KLHL25: variants seen among roughly 807,000 people sequenced by gnomAD.
KLHL25 encodes the protein kelch like family member 25.
Under a neutral mutation model 30.0 loss-of-function variants are expected in KLHL25, and 41 were observed. The ratio of observed to expected loss-of-function variants is 1.37; its 90% CI spans 1.07 to 1.78. The LOEUF is 1.78. Among genes scored for constraint, KLHL25 ranks in the 40% most tolerant of loss-of-function variants. KLHL25 has a pLI of 0.00. For synonymous variants in KLHL25, 399 were observed against 355.3 expected (o/e 1.12, Z -1.38); for missense variants, 971 against 824.5 (o/e 1.18, Z -2.18).
rs1017045513 is a variant in KLHL25 at position 85,789,993 on chromosome 15, T to C, written c.-11+4773A>G. On this transcript the variant is annotated intron_variant, in intron 1 of 2. Transcript: ENST00000337975. This position sits in a 1 kb window ranked among gnomAD's most constrained non-coding sequence, Gnocchi z 4.1. Reference sequence around the variant, plus strand: ...CTTGCCTACGTCACCCCTCTCACTCTACAGGTGAAAAAACTAGATCCCAGA... The same window carrying C: ...CTTGCCTACGTCACCCCTCTCACTCCACAGGTGAAAAAACTAGATCCCAGA... Among the ~76,000 whole-genome samples the C allele has an allele frequency of 4.6e-5, 7 of 152,308 alleles. No homozygotes were observed. Among genetic ancestry groups the C allele is most frequent in the African/African-American group, 1.7e-4 (7 of 41,570 alleles).
intron 1 of KLHL25, among the ~76,000 whole-genome samples, chr15:85,788,053 T>G (rs1370949548): frequency 2.8e-5 from 1 of 36,188 alleles, no homozygotes; most frequent in Non-Finnish European, 5.4e-5. Flanking sequence ...GGAAACTAGA[T>G]CTCAAAAAAA....
intron 2 of KLHL25, among the ~76,000 whole-genome samples, chr15:85,765,065 GGGGCAGCCTCTGGTCT>G (rs2089610696): frequency 6.6e-6 from 1 of 152,150 alleles, no homozygotes; most frequent in South Asian, 2.1e-4. Context: ...GGGTAGGCAG[GGGGCAGCCTCTGGTCT>G]GGAGGCTCAG....
At chr15:85,765,144 G>T (rs909410047) in intron 2 of KLHL25, among the ~76,000 whole-genome samples, 7 of 152,156 alleles carry the variant, frequency 4.6e-5, no homozygotes, top group Admixed American at 3.3e-4. Flanking sequence ...CCCTCACACT[G>T]CCCAGCCCGG....
rs117168068 is a variant in KLHL25 at position 85,760,624 on chromosome 15, G to C, written c.*412C>G. Reference sequence around the variant, plus strand: ...CCAGCAGGGCAGGCCAGGAGGGAAAGGATGTGTGGCAGTGCCGCAGCCCCA... The same window carrying C: ...CCAGCAGGGCAGGCCAGGAGGGAAACGATGTGTGGCAGTGCCGCAGCCCCA... On this transcript the variant is annotated 3_prime_UTR_variant, in exon 3 of 3. Transcript: ENST00000337975. 0.028 allele frequency: 4,204 copies of C among 152,490 alleles called. 79 individuals carry two copies. Among genetic ancestry groups the C allele is most frequent in the Non-Finnish European group, 0.044 (3,004 of 68,140 alleles). 9.4% of individuals were successfully genotyped at this position (152,490 alleles called of 1,614,324 possible).
Position 85,768,409 on chromosome 15 carries a change from A to AG in KLHL25, c.1401dup (p.Ser468LeufsTer33), listed in dbSNP as rs1483803721. Reference sequence around the variant, plus strand: ...GCCTTGATCGTCCACCTGTTCTCCGAGGGGTCATAGCACTGGACCTTGGAC... The same window carrying AG: ...GCCTTGATCGTCCACCTGTTCTCCGAGGGGGTCATAGCACTGGACCTTGGAC... On this transcript the variant is annotated frameshift_variant, in exon 2 of 3. Coordinates refer to ENST00000337975, the MANE Select transcript of KLHL25 (RefSeq NM_022480.4). LOFTEE classifies it high-confidence loss of function. 1.2e-6 allele frequency: 2 copies of AG among 1,613,140 alleles called. No homozygotes were observed. Among genetic ancestry groups the AG allele is most frequent in the African/African-American group, 2.7e-5 (2 of 74,774 alleles).
chr15:85,792,080 T>C (rs1021561117), intron 1 of KLHL25, among the ~76,000 whole-genome samples: 1 of 152,212 alleles, frequency 6.6e-6, no homozygotes, highest in African/African-American at 2.4e-5. Context: ...GTGTCAGCTT[T>C]TGACAGCTTT....
intron 1 of KLHL25, among the ~76,000 whole-genome samples, chr15:85,777,600 G>A (rs764024864): frequency 6.6e-6 from 1 of 152,200 alleles, no homozygotes; most frequent in Non-Finnish European, 1.5e-5. Context: ...ACACTTGAAG[G>A]GCAGCCACTT....
chr15:85,785,967 C>CG (rs199754258), intron 1 of KLHL25, among the ~76,000 whole-genome samples: 13 of 141,616 alleles, frequency 9.2e-5, no homozygotes, highest in Non-Finnish European at 1.1e-4. Context: ...CCGACCCACC[C>CG]CCCCGCCCCA....
At chr15:85,777,406 C>A (rs938849650) in intron 1 of KLHL25, among the ~76,000 whole-genome samples, 2 of 152,216 alleles carry the variant, frequency 1.3e-5, no homozygotes, top group Admixed American at 6.5e-5. Flanking sequence ...CACCCAGACA[C>A]AGACACAGTG....
chr15:85,783,805 T>C lies in KLHL25; in HGVS notation c.-11+10961A>G, dbSNP rs186101397. 1.2e-3 allele frequency among the ~76,000 whole-genome samples: 187 copies of C among 152,280 alleles called. 1 individual carries two copies. The highest frequency in any genetic ancestry group is 2.1e-3 in the Non-Finnish European group (144 of 68,012). ...ACAAAGCGAATTGCAGATACCGACC[T>C]TGGGCAGCCTACCAGGAAGGTTAGA... On this transcript the variant is annotated intron_variant, in intron 1 of 2. Coordinates refer to ENST00000337975, the MANE Select transcript of KLHL25 (RefSeq NM_022480.4).
chr15:85,785,069 G>A lies in KLHL25; in HGVS notation c.-11+9697C>T, dbSNP rs1346970744. Among the ~76,000 whole-genome samples, 5 of 151,770 alleles carry A rather than the reference G, an allele frequency of 3.3e-5. No individual in the cohort carries two copies. The East Asian group carries it at 9.7e-4, about 29-fold the overall frequency. The stretch of plus-strand genomic sequence containing the variant: ...ATTCCTGGACATGTGATGCTAGAGA[G>A]CAGAGACTGATGTATTTCTTTTTTC... On this transcript the variant is annotated intron_variant, in intron 1 of 2. Coordinates refer to ENST00000337975, the MANE Select transcript of KLHL25 (RefSeq NM_022480.4).
chr15:85,778,002 C>T (rs558272014), intron 1 of KLHL25, among the ~76,000 whole-genome samples: 171 of 152,340 alleles, frequency 1.1e-3, no homozygotes, highest in African/African-American at 3.3e-3. Flanking sequence ...TTAATCAGGA[C>T]GGATGAGGTT....
intron 1 of KLHL25, among the ~76,000 whole-genome samples, chr15:85,787,101 A>C (rs113962703): frequency 0.11 from 13,843 of 131,246 alleles, 774 homozygotes; most frequent in African/African-American, 0.12. Flanking sequence ...ATGAGATTCC[A>C]CCCGCCCCCC....
intron 1 of KLHL25, among the ~76,000 whole-genome samples, chr15:85,780,200 G>A (rs1263005638): frequency 6.6e-6 from 1 of 152,210 alleles, no homozygotes; most frequent in Non-Finnish European, 1.5e-5. Flanking sequence ...AAGCCCAGCT[G>A]CTGCACCAGA....
intron 1 of KLHL25, among the ~76,000 whole-genome samples, chr15:85,783,395 T>C (rs2089757976): frequency 6.6e-6 from 1 of 151,612 alleles, no homozygotes; most frequent in Non-Finnish European, 1.5e-5. Flanking sequence ...TGCCCAGCCA[T>C]ATTTAAACAT....
intron 1 of KLHL25, among the ~76,000 whole-genome samples, chr15:85,773,532 G>A (rs1248586169): frequency 6.6e-6 from 1 of 152,200 alleles, no homozygotes; most frequent in Non-Finnish European, 1.5e-5. Flanking sequence ...TCCCGGGGTG[G>A]GCACTGGGCC....
intron 1 of KLHL25, among the ~76,000 whole-genome samples, chr15:85,781,006 GCA>G (rs973754014): frequency 5.9e-5 from 9 of 152,078 alleles, no homozygotes; most frequent in Non-Finnish European, 1.0e-4. Flanking sequence ...CTGGGTACAC[GCA>G]CAGAGTGGAG....
chr15:85,775,219 A>G (rs1022407578), intron 1 of KLHL25, among the ~76,000 whole-genome samples: 1 of 152,178 alleles, frequency 6.6e-6, no homozygotes. Flanking sequence ...GCAGTGTACC[A>G]GTCTCTGGGT....
chr15:85,769,728 T>G lies in KLHL25; in HGVS notation c.83A>C (p.His28Pro). 6.2e-7 allele frequency: 1 copy of G among 1,613,772 alleles called. No individual in the cohort carries two copies. ...MNVTLFHKAS[H>P]PDCVLAHLNT... ...GAGGTGGGCCAGCACACAGTCCGGG[T>G]GGGAGGCCTTGTGGAAGAGGGTGAC... Residue 28 changes from histidine (H) to proline (P), a missense_variant, in exon 2 of 3, where the codon CAC (histidine) becomes CCC (proline). By Grantham distance (77) the His-to-Pro change is moderately conservative. Transcript: ENST00000337975.
Sources: gnomAD v4.1 joint callset for allele counts (sites outside exome capture counted in the v4.1 genomes callset) on GRCh38, gnomAD v4.1.1 for gene constraint, Gnocchi (gnomAD v3.1) non-coding constraint, MANE v1.5 for transcripts, NCBI Gene and HGNC (gene_info 2026-07-23, HGNC 2026-07-21) for gene names.